The following GRIK4 variants were observed in gnomAD, a reference collection of about 807,000 sequenced individuals.
GRIK4 encodes glutamate receptor ionotropic, kainate 4.
GRIK4 carries 40 observed loss-of-function variants against 104.9 expected under a neutral mutation model. The ratio of observed to expected loss-of-function variants is 0.38; its 90% CI spans 0.30 to 0.50. The LOEUF is 0.50. Ranked by LOEUF, GRIK4 falls within the 20% of genes least tolerant of loss-of-function variation. The pLI, the probability that GRIK4 is intolerant of heterozygous loss-of-function variation, is 0.93. For synonymous variants in GRIK4, 485 were observed against 524.9 expected, an observed-to-expected ratio of 0.92 and a Z score of 1.04; for missense variants, 1,047 against 1,308.1, an observed-to-expected ratio of 0.80 and a Z score of 3.08.
intron 6 of GRIK4, among the ~76,000 whole-genome samples, chr11:120,824,087 A>G (rs533654416): frequency 1.3e-5 from 2 of 152,296 alleles, no homozygotes; most frequent in East Asian, 1.9e-4. Flanking sequence ...ATCTAATTCT[A>G]TTTTCCAGCC....
At chr11:120,737,075 T>G (rs1951237863) in intron 3 of GRIK4, among the ~76,000 whole-genome samples, 1 of 152,210 alleles carries the variant, frequency 6.6e-6, no homozygotes, top group South Asian at 2.1e-4. Context: ...AACCGATGTT[T>G]AGACATGGTC....
chr11:120,809,276 A>G (rs779836037), intron 4 of GRIK4, among the ~76,000 whole-genome samples: 4 of 152,172 alleles, frequency 2.6e-5, no homozygotes. Context: ...ACACCCCATC[A>G]TGGCCTTTTA....
intron 13 of GRIK4, among the ~76,000 whole-genome samples, chr11:120,919,624 T>G (rs1943184716): frequency 1.3e-5 from 2 of 152,112 alleles, no homozygotes. Flanking sequence ...CAATGCTGCT[T>G]GAGTCTCAGC....
At chr11:120,622,181 G>A (rs968032774) in intron 1 of GRIK4, among the ~76,000 whole-genome samples, 4 of 151,942 alleles carry the variant, frequency 2.6e-5, no homozygotes, top group Admixed American at 6.5e-5. Context: ...GATTACAGGC[G>A]TGAAGCACCG....
At chr11:120,521,166 G>T (rs1325916775) in intron 1 of GRIK4, among the ~76,000 whole-genome samples, 1 of 152,024 alleles carries the variant, frequency 6.6e-6, no homozygotes, top group Admixed American at 6.6e-5. Flanking sequence ...GCTCACTGTA[G>T]CTTGAACCTC....
intron 3 of GRIK4, among the ~76,000 whole-genome samples, chr11:120,710,216 C>CG (rs11414791): frequency 0.25 from 37,851 of 152,062 alleles, 6,380 homozygotes; most frequent in African/African-American, 0.48. Context: ...GTAGGACAGA[C>CG]TTATCTGTAC....
chr11:120,548,500 C>T (rs901945001), intron 1 of GRIK4, among the ~76,000 whole-genome samples: 1 of 152,060 alleles, frequency 6.6e-6, no homozygotes, highest in African/African-American at 2.4e-5. Context: ...CATCAGCTTG[C>T]AGGAGGAGCG....
rs71050753 is a variant in GRIK4 at position 120,658,727 on chromosome 11, CTTTTTTTTTTTTTTTTTTTTT to C, written c.-50-1523_-50-1503del. Among the ~76,000 whole-genome samples the C allele has an allele frequency of 2.3e-4, 13 of 56,744 alleles. No individual in the cohort carries two copies. The South Asian group carries it at 2.6e-3, about 11-fold the overall frequency. The allele number at this position is 56,744 out of a possible 152,430, so 37.2% of individuals were successfully genotyped here. On this transcript the variant is annotated intron_variant, in intron 2 of 20. Transcript: ENST00000527524. ...TCTGTCTAGGGGTTGGAGGACGAAA[CTTTTTTTTTTTTTTTTTTTTT>C]TTTTTTTTTTTTTTTTTTGAGACGG...
At chr11:120,711,988 A>AC (rs11412731) in intron 3 of GRIK4, among the ~76,000 whole-genome samples, 38,278 of 152,198 alleles carry the variant, frequency 0.25, 6,545 homozygotes, top group African/African-American at 0.49. Flanking sequence ...ATTATTATAC[A>AC]CTGCACTGTG....
chr11:120,878,613 GC>G (rs67957802), intron 11 of GRIK4, among the ~76,000 whole-genome samples: 121,643 of 134,532 alleles, frequency 0.9, 54,938 homozygotes, highest in Non-Finnish European at 0.95. Context: ...TTTATGCCCC[GC>G]CCCCCCCCCT....
At chr11:120,765,018 G>A (rs1009159620) in intron 3 of GRIK4, among the ~76,000 whole-genome samples, 15 of 151,970 alleles carry the variant, frequency 9.9e-5, no homozygotes, top group Non-Finnish European at 1.9e-4. Flanking sequence ...GCTATGTTGG[G>A]GAACTTCTCC....
intron 3 of GRIK4, among the ~76,000 whole-genome samples, chr11:120,731,478 T>A (rs1424541118): frequency 6.6e-6 from 1 of 152,134 alleles, no homozygotes; most frequent in Non-Finnish European, 1.5e-5. Context: ...CTAGTTTTGT[T>A]GAGGATTTTT....
chr11:120,658,903 C>G (rs1949765294), intron 2 of GRIK4, among the ~76,000 whole-genome samples: 1 of 151,906 alleles, frequency 6.6e-6, no homozygotes, highest in South Asian at 2.1e-4. Context: ...CGCCTGCCAC[C>G]ACACCTGGCT....
At chr11:120,926,423 T>G (rs1943346853) in intron 13 of GRIK4, among the ~76,000 whole-genome samples, 1 of 152,184 alleles carries the variant, frequency 6.6e-6, no homozygotes, top group Non-Finnish European at 1.5e-5. Flanking sequence ...CAGGCACTGT[T>G]CTAAGTGCTT....
chr11:120,845,910 G>A (rs1039548211), intron 8 of GRIK4, among the ~76,000 whole-genome samples: 1 of 152,214 alleles, frequency 6.6e-6, no homozygotes, highest in Non-Finnish European at 1.5e-5. Context: ...AGTCTGAGCT[G>A]CCAAGGTACC....
intron 6 of GRIK4, among the ~76,000 whole-genome samples, chr11:120,823,814 G>A (rs11218015): frequency 0.13 from 20,198 of 152,194 alleles, 4,283 homozygotes; most frequent in African/African-American, 0.45. Context: ...ACATCCCAGC[G>A]GACTTGGCAG....
intron 9 of GRIK4, chr11:120,873,202 C>T (rs1039215721): frequency 6.6e-6 from 1 of 152,382 alleles, no homozygotes; most frequent in Non-Finnish European, 1.5e-5. Flanking sequence ...CAGCCCCGCC[C>T]CTCCTCTGCC....
intron 4 of GRIK4, among the ~76,000 whole-genome samples, chr11:120,811,174 TAAG>T (rs2135526441): frequency 6.6e-6 from 1 of 152,268 alleles, no homozygotes. Context: ...AGACAGGACT[TAAG>T]GAGACCAGAG....
chr11:120,833,225 G>T (rs1371278717), intron 7 of GRIK4, among the ~76,000 whole-genome samples: 1 of 152,098 alleles, frequency 6.6e-6, no homozygotes, highest in Non-Finnish European at 1.5e-5. Context: ...AGCCATGTCT[G>T]TCTGTGTGCG....
Sources: allele counts gnomAD v4.1 joint callset (sites outside exome capture counted in the v4.1 genomes callset), GRCh38; gene constraint gnomAD v4.1.1; transcripts MANE v1.5; gene names NCBI Gene and HGNC (gene_info 2026-07-23, HGNC 2026-07-21).